Variants in SCUBE3 observed in about 807,000 individuals in gnomAD.
SCUBE3 encodes signal peptide, CUB and EGF-like domain-containing protein 3.
Under a neutral mutation model 116.8 loss-of-function variants are expected in SCUBE3, and 33 were observed. The ratio of observed to expected loss-of-function variants is 0.28; its 90% CI spans 0.21 to 0.38. SCUBE3 has a LOEUF of 0.38. SCUBE3 is among the 10% of genes least tolerant of loss of function. The pLI is 1.00. For missense variants in SCUBE3, 1,007 were observed against 1,324.8 expected, an observed-to-expected ratio of 0.76 and a Z score of 3.72; for synonymous variants, 418 against 496.9, an observed-to-expected ratio of 0.84 and a Z score of 2.11.
In SCUBE3 at chr6:35,214,871, C is replaced by A. The variant is rs1395965057; in HGVS notation, c.85+368C>A. ...ACATTGCCAGAAACTTACGCTGTGGCCTGGAGAGACTGAGGGAATAATGAA... is the reference window on the plus strand; with the variant it reads ...ACATTGCCAGAAACTTACGCTGTGGACTGGAGAGACTGAGGGAATAATGAA... On this transcript the variant is annotated intron_variant, in intron 1 of 21. Transcript: ENST00000274938. The surrounding 1 kb of genome is among the most constrained non-coding windows in gnomAD (Gnocchi z 6.3). 6.6e-6 allele frequency among the ~76,000 whole-genome samples: 1 copy of A among 152,214 alleles called. No homozygotes were observed. The highest frequency in any genetic ancestry group is 2.4e-5 in the African/African-American group (1 of 41,460).
chr6:35,217,570 T>C (rs187990490), intron 1 of SCUBE3, among the ~76,000 whole-genome samples: 15 of 152,128 alleles, frequency 9.9e-5, no homozygotes, highest in Admixed American at 3.9e-4. Flanking sequence ...TGTCTCTTTC[T>C]TTCTCCCACC....
Position 35,214,372 on chromosome 6 carries a change from T to A in SCUBE3, c.-47T>A, listed in dbSNP as rs984244441. ...GATCCGGCCGGCTTCCGCCCTCCCC[T>A]GGCCGCGAGACCGGCCCCGGCGGCT... is the stretch of plus-strand genomic sequence containing the variant. On this transcript the variant is annotated 5_prime_UTR_variant, in exon 1 of 22. Transcript: ENST00000274938. This position sits in a 1 kb window ranked among gnomAD's most constrained non-coding sequence, Gnocchi z 6.3. 17 of 1,299,332 alleles carry A rather than the reference T, an allele frequency of 1.3e-5. 1 individual carries two copies. The highest frequency in any genetic ancestry group is 1.4e-5 in the Non-Finnish European group (14 of 991,732). 80.5% of individuals were successfully genotyped at this position (1,299,332 alleles called of 1,614,324 possible).
intron 21 of SCUBE3, among the ~76,000 whole-genome samples, chr6:35,247,438 CAAAAA>C (rs368013054): frequency 8.2e-6 from 1 of 121,920 alleles, no homozygotes; most frequent in East Asian, 2.4e-4. Context: ...GACTCAGTCT[CAAAAA>C]AAAAAAAAAA....
chr6:35,242,038 C>G, intron 12 of SCUBE3, 128 bp downstream of exon 12: 1 of 858,562 alleles, frequency 1.2e-6, no homozygotes, highest in East Asian at 2.4e-5. Flanking sequence ...ATTCTCCAAC[C>G]CTGCTCCCTC....
At chr6:35,234,936 A>G (rs934453072) in intron 6 of SCUBE3, among the ~76,000 whole-genome samples, 1 of 152,234 alleles carries the variant, frequency 6.6e-6, no homozygotes, top group Non-Finnish European at 1.5e-5. Context: ...GTTTACAGCT[A>G]TATTCTTTCC....
chr6:35,214,318 C>T lies in SCUBE3; in HGVS notation c.-101C>T, dbSNP rs1782795495. ...CCCCCGGCCTGGCCCCGGCGGGGCG[C>T]CCCCTCCCCTCCCCCTCCTGCGAGC... is the stretch of plus-strand genomic sequence containing the variant. On this transcript the variant is annotated 5_prime_UTR_variant, in exon 1 of 22. Coordinates refer to ENST00000274938, the MANE Select transcript of SCUBE3 (RefSeq NM_152753.4). The surrounding 1 kb of genome is among the most constrained non-coding windows in gnomAD (Gnocchi z 6.3). 4.7e-6 allele frequency: 3 copies of T among 638,792 alleles called. No individual in the cohort carries two copies. Among genetic ancestry groups the T allele is most frequent in the Non-Finnish European group, 4.5e-6 (2 of 444,576 alleles). The allele number at this position is 638,792 out of a possible 1,614,324, so 39.6% of individuals were successfully genotyped here.
At chr6:35,246,887 G>C (rs1784363560) in intron 21 of SCUBE3, among the ~76,000 whole-genome samples, 1 of 152,152 alleles carries the variant, frequency 6.6e-6, no homozygotes, top group Non-Finnish European at 1.5e-5. Flanking sequence ...GCTGAGGCAG[G>C]AGAATTGCTT....
Position 35,232,602 on chromosome 6 carries a change from A to G in SCUBE3, c.470-248A>G, listed in dbSNP as rs1242291683. On this transcript the variant is annotated intron_variant, in intron 4 of 21. Transcript: ENST00000274938. The surrounding 1 kb of genome is among the most constrained non-coding windows in gnomAD (Gnocchi z 4.2). ...TGGTTGTTTAAAGGAAAGGGTGATC[A>G]TTCGTTGGGATGAGTATCAATAGCT... 1.3e-5 allele frequency among the ~76,000 whole-genome samples: 2 copies of G among 152,194 alleles called. No homozygotes were observed. Among genetic ancestry groups the G allele is most frequent in the African/African-American group, 2.4e-5 (1 of 41,454 alleles).
At position 35,245,409 on chromosome 6, in the gene SCUBE3, C is replaced by T. The variant is rs750220296; in HGVS notation, c.2583C>T (p.Leu861=). 3.1e-6 allele frequency: 5 copies of T among 1,613,974 alleles called. No homozygotes were observed. Among genetic ancestry groups the T allele is most frequent in the Admixed American group, 1.7e-5 (1 of 60,008 alleles). The change falls in exon 19 of 22, where the codon CTC becomes CTT. Residue 861 remains leucine, a synonymous_variant. Transcript: ENST00000274938. This position sits in a 1 kb window ranked among gnomAD's most constrained non-coding sequence, Gnocchi z 4.2. ...LPSEDECGDV[L]VMRKNSSPSS... is the part of the protein sequence containing the mutation. ...CTGAGGATGAGTGTGGGGACGTCCT[C>T]GTCATGAGAAAGAACTGTGGGTGGC...
intron 6 of SCUBE3, among the ~76,000 whole-genome samples, chr6:35,236,735 G>A (rs746491153): frequency 6.6e-6 from 1 of 152,170 alleles, no homozygotes; most frequent in East Asian, 1.9e-4. Flanking sequence ...AGTACATCCA[G>A]TACTGGTCTT....
At position 35,228,818 on chromosome 6, in the gene SCUBE3, G is replaced by A; in HGVS notation, c.334+79G>A. On this transcript the variant is annotated intron_variant, in intron 3 of 21. Transcript: ENST00000274938. This position sits in a 1 kb window ranked among gnomAD's most constrained non-coding sequence, Gnocchi z 4.9. ...TTTTCAGCATTTCCTATTTCCCAGG[G>A]AAGGAGGAGAGAGTGATCAAGAAGA... The A allele has an allele frequency of 6.8e-7, 1 of 1,464,790 alleles. No homozygotes were observed. The allele number at this position is 1,464,790 out of a possible 1,614,324, so 90.7% of individuals were successfully genotyped here. A position where few individuals can be genotyped will look rare whatever the true frequency, so the allele number is the denominator to read the frequency against.
intron 6 of SCUBE3, 52 bp from the exon 7 acceptor site, chr6:35,237,850 A>G: frequency 1.8e-6 from 2 of 1,130,782 alleles, no homozygotes; most frequent in Non-Finnish European, 2.6e-6. Flanking sequence ...AGAGTTTGGG[A>G]CTCCTCCAGG....
At position 35,251,556 on chromosome 6, in the gene SCUBE3, T is replaced by C. The variant is rs1269585923; in HGVS notation, c.*2851T>C. The C allele has an allele frequency of 6.6e-6, 1 of 152,342 alleles. No individual in the cohort carries two copies. Among genetic ancestry groups the C allele is most frequent in the African/African-American group, 2.4e-5 (1 of 41,454 alleles). 9.4% of individuals were successfully genotyped at this position (152,342 alleles called of 1,614,324 possible). On this transcript the variant is annotated 3_prime_UTR_variant, in exon 22 of 22. Transcript: ENST00000274938. ...TGCCTTCAGGGTCTGGCTTCTCCTTTCTCCCTTCCTTTCCTGTCACACCAT... is the reference window on the plus strand; with the variant it reads ...TGCCTTCAGGGTCTGGCTTCTCCTTCCTCCCTTCCTTTCCTGTCACACCAT...
intron 1 of SCUBE3, chr6:35,221,934 G>A (rs1783131797): frequency 6.6e-6 from 1 of 152,244 alleles, no homozygotes; most frequent in Non-Finnish European, 1.5e-5. Flanking sequence ...CACCTGAACT[G>A]GGTCCTCAAG....
Position 35,248,699 on chromosome 6 carries a change from C to G in SCUBE3, c.2976C>G (p.Tyr992Ter). Residue 992 changes from tyrosine (Y) to a stop codon, truncating the protein, a stop_gained, in exon 22 of 22, where the codon TAC (tyrosine) becomes TAG (stop). Coordinates refer to ENST00000274938, the MANE Select transcript of SCUBE3 (RefSeq NM_152753.4). LOFTEE classifies it high-confidence loss of function. ...AAGTTTCCAGCTTCCTGAGGCCCTACAAATAGTAACCCTAGGCTCAGAGAC... is the reference window on the plus strand; with the variant it reads ...AAGTTTCCAGCTTCCTGAGGCCCTAGAAATAGTAACCCTAGGCTCAGAGAC... ...RSKVSSFLRP[Y>*]K is the part of the protein sequence containing the mutation. 2 of 1,613,882 alleles carry G rather than the reference C, an allele frequency of 1.2e-6. No individual in the cohort carries two copies.
rs1783381497 is a variant in SCUBE3 at position 35,227,658 on chromosome 6, G to A, written c.164G>A (p.Cys55Tyr). The change falls in exon 2 of 22, where the codon TGC becomes TAC. Residue 55 changes from cysteine (C) to tyrosine (Y), a missense_variant. By Grantham distance (194) the Cys-to-Tyr change is radical. This residue lies in a region of SCUBE3 where 94 missense variants were observed against 92.0 expected (regional missense o/e 1.02). Coordinates refer to ENST00000274938, the MANE Select transcript of SCUBE3 (RefSeq NM_152753.4). ...ICQNTPRSYK[C>Y]ICKSGYTGDG... ...CAGAACACCCCGAGGTCATACAAGT[G>A]CATCTGCAAGTCTGGCTACACAGGG... 6.2e-7 allele frequency: 1 copy of A among 1,614,152 alleles called. No homozygotes were observed. The highest frequency in any genetic ancestry group is 8.5e-7 in the Non-Finnish European group (1 of 1,180,002).
At chr6:35,217,908 T>C (rs1782989686) in intron 1 of SCUBE3, among the ~76,000 whole-genome samples, 1 of 152,106 alleles carries the variant, frequency 6.6e-6, no homozygotes, top group African/African-American at 2.4e-5. Flanking sequence ...TGACCTCTCT[T>C]CTCTCATGAC....
rs778690639 is a variant in SCUBE3, at chr6:35,243,051, G to A, written c.1724G>A (p.Arg575Gln). Residue 575 changes from arginine to glutamine, a missense_variant, in exon 15 of 22, where the codon CGA (arginine) becomes CAA (glutamine). Transcript: ENST00000274938. This position sits in a 1 kb window ranked among gnomAD's most constrained non-coding sequence, Gnocchi z 6.6. The part of the protein sequence containing the change: ...ASCGLPCLRQ[R>Q]MERRLKGSLK... ...TGTGGGCTGCCCTGCCTCCGACAGC[G>A]AATGGAACGGCGGCTGAAAGGATCC... 54 of 1,614,034 alleles carry A rather than the reference G, an allele frequency of 3.3e-5. 1 individual carries two copies. The highest frequency in any genetic ancestry group is 1.6e-4 in the South Asian group (15 of 91,086).
chr6:35,240,533 A>C lies in SCUBE3; in HGVS notation c.1069+43A>C. The C allele has an allele frequency of 1.0e-6, 1 of 973,808 alleles. No homozygotes were observed. Among genetic ancestry groups the C allele is most frequent in the South Asian group, 1.5e-5 (1 of 66,486 alleles). 60.3% of individuals were successfully genotyped at this position (973,808 alleles called of 1,614,324 possible). On this transcript the variant is annotated intron_variant, in intron 9 of 21. Transcript: ENST00000274938. The surrounding 1 kb of genome is among the most constrained non-coding windows in gnomAD (Gnocchi z 4.6). ...CACCCCCAGCCACCCTGGCCCCCTC[A>C]CCTCTTCACCCTCCAATTGAACAGG...
Sources: allele counts gnomAD v4.1 joint callset (sites outside exome capture counted in the v4.1 genomes callset), GRCh38; gene constraint gnomAD v4.1.1; regional missense constraint gnomAD v4.1.1; non-coding constraint Gnocchi (gnomAD v3.1); transcripts MANE v1.5; gene names NCBI Gene and HGNC (gene_info 2026-07-23, HGNC 2026-07-21).